Variants in SLC26A3 observed in about 807,000 individuals in gnomAD.
SLC26A3 encodes the protein chloride anion exchanger.
SLC26A3 carries 64 observed loss-of-function variants against 85.6 expected under a neutral mutation model. The observed-to-expected ratio is 0.75, with a 90% CI of 0.61 to 0.92. The LOEUF is 0.92. Among genes scored for constraint, SLC26A3 ranks in the 40% least tolerant of loss-of-function variants. The probability of loss-of-function intolerance (pLI) is 0.00; values close to 1 mark genes in which losing one functional copy is unlikely to be tolerated. For synonymous variants in SLC26A3, 349 were observed against 336.0 expected (o/e 1.04, Z -0.42); for missense variants, 922 against 927.3 (o/e 0.99, Z 0.07).
intron 1 of SLC26A3, among the ~76,000 whole-genome samples, chr7:107,797,562 C>G (rs1794528366): frequency 6.6e-6 from 1 of 152,024 alleles, no homozygotes; most frequent in African/African-American, 2.4e-5. Context: ...ACATTCCAGC[C>G]TTTCTGTTTT....
chr7:107,775,190 A>G (rs1276596671), intron 15 of SLC26A3, among the ~76,000 whole-genome samples: 2 of 152,134 alleles, frequency 1.3e-5, no homozygotes, highest in East Asian at 3.8e-4. Flanking sequence ...CTCTTAGGGA[A>G]TTTTATTTTA....
chr7:107,799,328 C>A (rs991264968), intron 1 of SLC26A3, among the ~76,000 whole-genome samples: 2 of 152,146 alleles, frequency 1.3e-5, no homozygotes, highest in Non-Finnish European at 2.9e-5. Flanking sequence ...CCTTGCCTTG[C>A]CATATCTTAA....
chr7:107,770,627 T>C (rs1794013341), intron 18 of SLC26A3, among the ~76,000 whole-genome samples: 1 of 152,182 alleles, frequency 6.6e-6, no homozygotes, highest in Non-Finnish European at 1.5e-5. Flanking sequence ...TTGTTTATTA[T>C]GTGGCTTTTC....
chr7:107,765,689 A>G lies in SLC26A3; in HGVS notation c.*166T>C. The G allele has an allele frequency of 1.7e-6, 1 of 571,544 alleles. No homozygotes were observed. The highest frequency in any genetic ancestry group is 2.4e-5 in the South Asian group (1 of 41,330). The allele number at this position is 571,544 out of a possible 1,614,324, so 35.4% of individuals were successfully genotyped here. A position where few individuals can be genotyped will look rare whatever the true frequency, so the allele number is the denominator to read the frequency against. On this transcript the variant is annotated 3_prime_UTR_variant, in exon 21 of 21. Transcript: ENST00000340010. ...TAGAATACTTATATAATTTCATACT[A>G]GATATGTGAAAAATATGCCATGCTA... is the stretch of plus-strand genomic sequence containing the variant.
chr7:107,779,134 T>TAA (rs1794176883), intron 12 of SLC26A3, among the ~76,000 whole-genome samples: 1 of 152,200 alleles, frequency 6.6e-6, no homozygotes, highest in African/African-American at 2.4e-5. Flanking sequence ...GTAAACCAAG[T>TAA]GTAGTTTACT....
At position 107,779,614 on chromosome 7, in the gene SLC26A3, A is replaced by G. The variant is rs79402237; in HGVS notation, c.1407+54T>C. Reference sequence around the variant, plus strand: ...ATATAAACATGCATTTCACATTAGCATTAAAATGCTATTGTGATTTATCTC... The same window carrying G: ...ATATAAACATGCATTTCACATTAGCGTTAAAATGCTATTGTGATTTATCTC... On this transcript the variant is annotated intron_variant, in intron 12 of 20. Coordinates refer to ENST00000340010, the MANE Select transcript of SLC26A3 (RefSeq NM_000111.3). The G allele has an allele frequency of 1.4e-4, 188 of 1,359,522 alleles. 1 individual carries two copies. In the East Asian group the frequency reaches 3.9e-3, roughly 28 times the overall value. The allele number at this position is 1,359,522 out of a possible 1,614,324, so 84.2% of individuals were successfully genotyped here.
intron 1 of SLC26A3, among the ~76,000 whole-genome samples, chr7:107,801,952 C>T (rs1478070223): frequency 6.7e-6 from 1 of 148,986 alleles, no homozygotes; most frequent in African/African-American, 2.5e-5. Flanking sequence ...AAATGCCAGG[C>T]ACAGTGGAGC....
chr7:107,773,301 A>G (rs1039912093), intron 17 of SLC26A3, among the ~76,000 whole-genome samples: 4 of 152,228 alleles, frequency 2.6e-5, no homozygotes, highest in African/African-American at 9.6e-5. Context: ...ATTTAGACAC[A>G]ATGCCCACAA....
chr7:107,777,572 A>G (rs1000276112), intron 13 of SLC26A3, among the ~76,000 whole-genome samples: 1 of 152,190 alleles, frequency 6.6e-6, no homozygotes, highest in Non-Finnish European at 1.5e-5. Flanking sequence ...CCTGGGCGAC[A>G]AGAGCGAAAC....
intron 3 of SLC26A3, among the ~76,000 whole-genome samples, chr7:107,792,873 A>G (rs927675139): frequency 6.6e-6 from 1 of 152,370 alleles, no homozygotes; most frequent in East Asian, 1.9e-4. Flanking sequence ...GAATATAGAA[A>G]CAACACTTGC....
intron 13 of SLC26A3, among the ~76,000 whole-genome samples, chr7:107,777,365 C>T (rs1418608622): frequency 5.3e-5 from 8 of 152,100 alleles, no homozygotes; most frequent in Non-Finnish European, 7.4e-5. Flanking sequence ...CAGGCTAAGT[C>T]GGGCGGATCA....
At chr7:107,783,558 T>C (rs536009705) in intron 8 of SLC26A3, among the ~76,000 whole-genome samples, 11 of 152,364 alleles carry the variant, frequency 7.2e-5, no homozygotes, top group African/African-American at 2.6e-4. Flanking sequence ...GGTAAAAGAC[T>C]GCAAATTCAA....
intron 16 of SLC26A3, 66 bp from the exon 17 acceptor site, chr7:107,774,219 C>G: frequency 7.9e-7 from 1 of 1,262,688 alleles, no homozygotes; most frequent in South Asian, 1.2e-5. Context: ...TCAGAGATAG[C>G]CAGTGAGTTT....
intron 12 of SLC26A3, among the ~76,000 whole-genome samples, 160 bp downstream of exon 12, chr7:107,779,508 A>T (rs568455607): frequency 8.5e-5 from 13 of 152,236 alleles, no homozygotes; most frequent in Non-Finnish European, 1.9e-4. Flanking sequence ...CCATTAGAAT[A>T]TGCAATTTAA....
chr7:107,795,097 G>A (rs747018648), intron 1 of SLC26A3, among the ~76,000 whole-genome samples: 2 of 152,014 alleles, frequency 1.3e-5, no homozygotes, highest in Non-Finnish European at 2.9e-5. Flanking sequence ...TATTGTTTCT[G>A]GGAGTTAGAG....
intron 18 of SLC26A3, among the ~76,000 whole-genome samples, chr7:107,770,868 C>T (rs191387309): frequency 3.3e-5 from 5 of 152,246 alleles, no homozygotes; most frequent in Admixed American, 6.5e-5. Context: ...TTATGTGATA[C>T]GTGCGTACTC....
chr7:107,794,645 A>G (rs111768890), intron 1 of SLC26A3, 48 bp from the exon 2 acceptor site: 2 of 944,338 alleles, frequency 2.1e-6, no homozygotes, highest in Non-Finnish European at 3.4e-6. Context: ...AGATAATGTG[A>G]TGCAATTTAC....
intron 4 of SLC26A3, 102 bp from the exon 5 acceptor site, chr7:107,791,337 C>G: frequency 3.1e-6 from 4 of 1,285,328 alleles, no homozygotes; most frequent in Non-Finnish European, 4.5e-6. Context: ...CAAGGCTGGG[C>G]GTGGTGGCTC....
chr7:107,774,161 A>C lies in SLC26A3; in HGVS notation c.1774-8T>G. ...AGTACATATAAATCCTTTCTGCAGG[A>C]GAGGATAACAAGTATGAAAACTGTG... On this transcript the variant is annotated splice_polypyrimidine_tract_variant and splice_region_variant and intron_variant, in intron 16 of 20. Transcript: ENST00000340010. The C allele has an allele frequency of 6.3e-7, 1 of 1,597,410 alleles. No individual in the cohort carries two copies. The highest frequency in any genetic ancestry group is 8.6e-7 in the Non-Finnish European group (1 of 1,164,724).
Sources: gnomAD v4.1 joint callset for allele counts (sites outside exome capture counted in the v4.1 genomes callset) on GRCh38, gnomAD v4.1.1 for gene constraint, MANE v1.5 for transcripts, NCBI Gene and HGNC (gene_info 2026-07-23, HGNC 2026-07-21) for gene names.